The following FAM200A variants were observed in gnomAD, a reference collection of about 807,000 sequenced individuals.
The protein encoded by FAM200A is ZBED8 like.
Under a neutral mutation model 44.2 loss-of-function variants are expected in FAM200A, and 26 were observed. That is an observed-to-expected ratio of 0.59 (90% CI 0.43 to 0.82). FAM200A has a LOEUF of 0.82. FAM200A is among the 40% of genes least tolerant of loss of function. The pLI is 0.00. For synonymous variants in FAM200A, 206 were observed against 244.4 expected (o/e 0.84, Z 1.47); for missense variants, 606 against 669.5 (o/e 0.91, Z 1.05).
chr7:99,547,957 C>G lies in FAM200A; in HGVS notation c.451G>C (p.Ala151Pro), dbSNP rs1584222320. The G allele has an allele frequency of 6.4e-7, 1 of 1,551,168 alleles. No homozygotes were observed. Among genetic ancestry groups the G allele is most frequent in the Admixed American group, 2.0e-5 (1 of 50,984 alleles). The change falls in exon 2 of 2, where the codon GCA (alanine) becomes CCA (proline). Residue 151 changes from alanine to proline, a missense_variant. Physicochemically the swap from Ala to Pro is conservative, Grantham distance 27 (BLOSUM62 -1). Coordinates refer to ENST00000449309, the MANE Select transcript of FAM200A (RefSeq NM_145111.4). ...AIQLDESTDI[A>P]SCPTLLVYVR... ...TAAACCAAGAGTGTGGGACAACTTG[C>G]AATATCAGTGCTCTCATCGAGTTGG... is the stretch of plus-strand genomic sequence containing the variant.
At chr7:99,552,118 A>C, upstream of FAM200A, 2 of 985,458 alleles carry the variant, frequency 2.0e-6, no homozygotes, top group Non-Finnish European at 2.4e-6. Context: ...GCGTCACAAA[A>C]GCCGGAAGTG....
At chr7:99,556,080 T>C (rs1368245052), upstream of FAM200A, among the ~76,000 whole-genome samples, 1 of 152,172 alleles carries the variant, frequency 6.6e-6, no homozygotes, top group Non-Finnish European at 1.5e-5. Flanking sequence ...AACTTTCTTT[T>C]ACCTTTGGGT....
At chr7:99,550,844 G>T (rs1802511981) in intron 1 of FAM200A, among the ~76,000 whole-genome samples, 1 of 152,184 alleles carries the variant, frequency 6.6e-6, no homozygotes, top group South Asian at 2.1e-4. Flanking sequence ...GGAGGCCGAG[G>T]CGGGCGGATC....
At chr7:99,549,696 A>G (rs1213243981) in intron 1 of FAM200A, among the ~76,000 whole-genome samples, 1 of 152,226 alleles carries the variant, frequency 6.6e-6, no homozygotes, top group East Asian at 1.9e-4. Flanking sequence ...TGGCACATAT[A>G]CACCATGGAA....
Position 99,546,653 on chromosome 7 carries a change from C to G in FAM200A, c.*33G>C. 5.4e-6 allele frequency: 8 copies of G among 1,469,836 alleles called. No individual in the cohort carries two copies. Among genetic ancestry groups the G allele is most frequent in the Non-Finnish European group, 7.2e-6 (8 of 1,111,970 alleles). 91.0% of individuals were successfully genotyped at this position (1,469,836 alleles called of 1,614,324 possible). A position where few individuals can be genotyped will look rare whatever the true frequency, so the allele number is the denominator to read the frequency against. Reference sequence around the variant, plus strand: ...GGATTACAGGCGTAAGCCACCACACCTGGCTATACACAGAATTTTGTAAAG... The same window carrying G: ...GGATTACAGGCGTAAGCCACCACACGTGGCTATACACAGAATTTTGTAAAG... On this transcript the variant is annotated 3_prime_UTR_variant, in exon 2 of 2. Transcript: ENST00000449309.
At chr7:99,551,825 CG>C (rs1478857040) in intron 1 of FAM200A, 28 bp downstream of exon 1, 19 of 985,356 alleles carry the variant, frequency 1.9e-5, no homozygotes, top group Non-Finnish European at 2.3e-5. Context: ...GTCTCCAATC[CG>C]GAAACCAAAA....
At chr7:99,553,380 G>A (rs1802611045), upstream of FAM200A, among the ~76,000 whole-genome samples, 1 of 151,980 alleles carries the variant, frequency 6.6e-6, no homozygotes, top group Non-Finnish European at 1.5e-5. Context: ...GCAGATTACT[G>A]AATGCAGTTG....
At chr7:99,556,413 A>G (rs1802676586), upstream of FAM200A, among the ~76,000 whole-genome samples, 1 of 152,206 alleles carries the variant, frequency 6.6e-6, no homozygotes, top group Non-Finnish European at 1.5e-5. Flanking sequence ...TGTTACAAAC[A>G]GATCCTCGGC....
upstream of FAM200A, among the ~76,000 whole-genome samples, chr7:99,555,473 C>T (rs1028710165): frequency 1.4e-4 from 21 of 152,152 alleles, no homozygotes; most frequent in African/African-American, 4.1e-4. Context: ...CCCTAGCACA[C>T]GAATGCACAC....
chr7:99,553,555 G>C (rs558498843), upstream of FAM200A, among the ~76,000 whole-genome samples: 2 of 152,192 alleles, frequency 1.3e-5, no homozygotes, highest in Admixed American at 1.3e-4. Context: ...TTTCCTAGAG[G>C]AAATGTTCTT....
At chr7:99,550,522 A>T (rs919843081) in intron 1 of FAM200A, among the ~76,000 whole-genome samples, 8 of 152,224 alleles carry the variant, frequency 5.3e-5, no homozygotes, top group African/African-American at 1.9e-4. Context: ...GGTTTTGCTT[A>T]GCTGAATGTT....
At position 99,547,480 on chromosome 7, in the gene FAM200A, A is replaced by G; in HGVS notation, c.928T>C (p.Leu310=). Residue 310 remains leucine (L), a synonymous_variant, in exon 2 of 2, where the codon TTG becomes CTG. Transcript: ENST00000449309. ...EVRWLSQGKV[L]SRVYELRNEI... is the part of the protein sequence containing the mutation. ...TTCCTGAGTTCATATACTCTGCTCA[A>G]TACTTTTCCTTGAGAAAGCCAACGA... 1.3e-6 allele frequency: 2 copies of G among 1,550,142 alleles called. No individual in the cohort carries two copies. The highest frequency in any genetic ancestry group is 1.7e-6 in the Non-Finnish European group (2 of 1,146,146).
upstream of FAM200A, among the ~76,000 whole-genome samples, chr7:99,555,606 C>T (rs1802661522): frequency 6.6e-6 from 1 of 152,132 alleles, no homozygotes; most frequent in African/African-American, 2.4e-5. Context: ...TGCTCTCTTG[C>T]CCCAATAAAA....
In FAM200A at chr7:99,546,545, T is replaced by C; in HGVS notation, c.*141A>G. On this transcript the variant is annotated 3_prime_UTR_variant, in exon 2 of 2. Transcript: ENST00000449309. ...CACCACGCCTGGCTAAGGTTTCTAT[T>C]TTTAGTAGAGATGGGGTTTCACCAT... 1.1e-6 allele frequency: 1 copy of C among 896,822 alleles called. No individual in the cohort carries two copies. The highest frequency in any genetic ancestry group is 1.5e-6 in the Non-Finnish European group (1 of 652,768). The allele number at this position is 896,822 out of a possible 1,614,324, so 55.6% of individuals were successfully genotyped here. A position where few individuals can be genotyped will look rare whatever the true frequency, so the allele number is the denominator to read the frequency against.
At chr7:99,550,248 T>G (rs990529071) in intron 1 of FAM200A, among the ~76,000 whole-genome samples, 5 of 151,942 alleles carry the variant, frequency 3.3e-5, no homozygotes, top group Non-Finnish European at 5.9e-5. Context: ...GTAGCTGGGA[T>G]TATAGGCGCC....
At chr7:99,550,614 C>T (rs757400642) in intron 1 of FAM200A, among the ~76,000 whole-genome samples, 3 of 152,128 alleles carry the variant, frequency 2.0e-5, no homozygotes, top group Admixed American at 6.6e-5. Flanking sequence ...ACATTTGAGA[C>T]TTGGTGGGTC....
exon 1 of FAM200A, chr7:99,558,352 A>C (rs1238720991): frequency 6.6e-6 from 1 of 152,088 alleles, no homozygotes; most frequent in East Asian, 2.0e-4. Context: ...GGCTGGCGTC[A>C]GGGAGGGGCC....
intron 1 of FAM200A, among the ~76,000 whole-genome samples, chr7:99,551,303 G>C (rs1303956080): frequency 6.6e-6 from 1 of 151,906 alleles, no homozygotes; most frequent in African/African-American, 2.4e-5. Flanking sequence ...GGGTTCAAGC[G>C]ATTCCCCTGC....
rs1802542576 is a variant in FAM200A at position 99,551,938 on chromosome 7, A to G, written c.-184T>C. 1 of 985,440 alleles carries G rather than the reference A, an allele frequency of 1.0e-6. No homozygotes were observed. Among genetic ancestry groups the G allele is most frequent in the East Asian group, 1.1e-4 (1 of 8,794 alleles). 61.0% of individuals were successfully genotyped at this position (985,440 alleles called of 1,614,324 possible). The stretch of plus-strand genomic sequence containing the variant: ...GGAACGGGGGCACGGACCCGCTTCC[A>G]CTCCGTCCCGGGCGGTCGTGGCGAG... On this transcript the variant is annotated 5_prime_UTR_variant, in exon 1 of 2. Transcript: ENST00000449309.
Sources: gnomAD v4.1 joint callset for allele counts (sites outside exome capture counted in the v4.1 genomes callset) on GRCh38, gnomAD v4.1.1 for gene constraint, MANE v1.5 for transcripts, NCBI Gene and HGNC (gene_info 2026-07-23, HGNC 2026-07-21) for gene names.